Variants in RPUSD2 observed in about 807,000 individuals in gnomAD.
RPUSD2 encodes pseudouridylate synthase RPUSD2.
RPUSD2 carries 31 observed loss-of-function variants against 41.5 expected under a neutral mutation model. The observed-to-expected ratio is 0.75, with a 90% CI of 0.56 to 1.01. The LOEUF (loss-of-function observed/expected upper bound fraction) is 1.01. Ranked by LOEUF, RPUSD2 falls within the 50% of genes least tolerant of loss-of-function variation. The pLI is 0.00. For missense variants in RPUSD2, 749 were observed against 724.7 expected, an observed-to-expected ratio of 1.03 and a Z score of -0.38; for synonymous variants, 305 against 289.7, an observed-to-expected ratio of 1.05 and a Z score of -0.54.
In RPUSD2 at chr15:40,573,847, CGAG is replaced by C. The variant is rs774438607; in HGVS notation, c.1228_1230del (p.Glu410del). On this transcript the variant is annotated inframe_deletion, in exon 3 of 3. Transcript: ENST00000315616. ...GGGGCGGCTACATTCCCAAGACAAA[CGAG>C]GAGTTGCTACGGGACCTGGTAGCAG... The C allele has an allele frequency of 6.2e-7, 1 of 1,614,112 alleles. No individual in the cohort carries two copies. The highest frequency in any genetic ancestry group is 8.5e-7 in the Non-Finnish European group (1 of 1,180,004).
chr15:40,569,780 A>C lies in RPUSD2; in HGVS notation c.443A>C (p.Asp148Ala). Residue 148 changes from aspartate to alanine, a missense_variant, in exon 1 of 3, where the codon GAC becomes GCC. Asp to Ala is a moderately radical substitution (Grantham distance 126). Coordinates refer to ENST00000315616, the MANE Select transcript of RPUSD2 (RefSeq NM_152260.3). Reference protein sequence around the residue: ...GLRKVRPYYFDFRTYCKGRWV... With the variant: ...GLRKVRPYYFAFRTYCKGRWV... ...CGTAAGGTGCGGCCCTATTACTTTG[A>C]CTTCCGGACCTACTGCAAAGGTCGC... The C allele has an allele frequency of 6.2e-7, 1 of 1,612,348 alleles. No homozygotes were observed.
chr15:40,571,278 G>A (rs111249845), intron 1 of RPUSD2, among the ~76,000 whole-genome samples: 233 of 152,180 alleles, frequency 1.5e-3, no homozygotes, highest in African/African-American at 5.4e-3. Flanking sequence ...CACTGCGCCC[G>A]GCTAAAAAAT....
rs746886799 is a variant in RPUSD2, at chr15:40,571,740, G to A, written c.743G>A (p.Arg248His). ...TCCATTCCCGTTCACCCCTGTGGCCGCTTCCGACACAACACAGTTATCTTC... is the reference window on the plus strand; with the variant it reads ...TCCATTCCCGTTCACCCCTGTGGCCACTTCCGACACAACACAGTTATCTTC... ...PSSIPVHPCG[R>H]FRHNTVIFIL... is the part of the protein sequence containing the mutation. Residue 248 changes from arginine to histidine, a missense_variant, in exon 2 of 3, where the codon CGC becomes CAC. Coordinates refer to ENST00000315616, the MANE Select transcript of RPUSD2 (RefSeq NM_152260.3). 1.2e-5 allele frequency: 20 copies of A among 1,614,074 alleles called. No homozygotes were observed. Among genetic ancestry groups the A allele is most frequent in the Admixed American group, 1.7e-5 (1 of 60,004 alleles).
At position 40,571,895 on chromosome 15, in the gene RPUSD2, C is replaced by T. The variant is rs749930078; in HGVS notation, c.898C>T (p.Arg300Trp). The change falls in exon 2 of 3, where the codon CGG (arginine) becomes TGG (tryptophan). Residue 300 changes from arginine to tryptophan, a missense_variant. Arg to Trp is a moderately radical substitution (Grantham distance 101). Transcript: ENST00000315616. The stretch of plus-strand genomic sequence containing the variant: ...GAGAATTCACGAGCAGGTTCGGGAC[C>T]GGCAGGTGAGTCAGGCTTTTGTCTC... Reference protein sequence around the residue: ...SERIHEQVRDRQLEKEYVCRV... With the variant: ...SERIHEQVRDWQLEKEYVCRV... 1.2e-5 allele frequency: 19 copies of T among 1,612,574 alleles called. No homozygotes were observed. In the East Asian group the frequency reaches 1.8e-4, roughly 15 times the overall value.
Position 40,569,667 on chromosome 15 carries a change from C to A in RPUSD2, c.330C>A (p.Val110=), listed in dbSNP as rs1016580173. The A allele has an allele frequency of 6.5e-7, 1 of 1,550,352 alleles. No homozygotes were observed. Among genetic ancestry groups the A allele is most frequent in the South Asian group, 1.2e-5 (1 of 82,790 alleles). ...KKRRGATRER[V]VPPPKKRRTG... ...GGCGGGGCGCAACCAGGGAGCGTGT[C>A]GTGCCGCCCCCGAAGAAGCGGCGGA... Residue 110 remains valine (V), a synonymous_variant, in exon 1 of 3, where the codon GTC becomes GTA. Transcript: ENST00000315616.
rs1891210126 is a variant in RPUSD2 at position 40,574,241 on chromosome 15, G to T, written c.1618G>T (p.Asp540Tyr). ...TTCACCAATGCCTGCCTGGGCACAGGATGACTGGCAAAAGGACTGAGGGTG... is the reference window on the plus strand; with the variant it reads ...TTCACCAATGCCTGCCTGGGCACAGTATGACTGGCAAAAGGACTGAGGGTG... ...YFSPMPAWAQDDWQKD is the reference protein window; with the variant it reads ...YFSPMPAWAQYDWQKD Residue 540 changes from aspartate to tyrosine, a missense_variant, in exon 3 of 3, where the codon GAT becomes TAT. Transcript: ENST00000315616. 6.2e-7 allele frequency: 1 copy of T among 1,611,746 alleles called. No individual in the cohort carries two copies. The highest frequency in any genetic ancestry group is 8.5e-7 in the Non-Finnish European group (1 of 1,179,584).
Position 40,573,020 on chromosome 15 carries a change from C to CTTTTTT in RPUSD2, c.904-491_904-486dup, listed in dbSNP as rs398026953. ...GAGGTAAATGCTTTTCTTTTCTTTT[C>CTTTTTT]TTTTTTTTTTTTTTTTTTTTTGAGA... On this transcript the variant is annotated intron_variant, in intron 2 of 2. Coordinates refer to ENST00000315616, the MANE Select transcript of RPUSD2 (RefSeq NM_152260.3). Among the ~76,000 whole-genome samples the CTTTTTT allele has an allele frequency of 1.7e-3, 165 of 96,742 alleles. 1 individual carries two copies. The highest frequency in any genetic ancestry group is 4.6e-3 in the African/African-American group (113 of 24,536). 63.5% of individuals were successfully genotyped at this position (96,742 alleles called of 152,430 possible). A position where few individuals can be genotyped will look rare whatever the true frequency, so the allele number is the denominator to read the frequency against.
intron 1 of RPUSD2, among the ~76,000 whole-genome samples, chr15:40,571,096 G>A (rs930809396): frequency 6.6e-6 from 1 of 151,800 alleles, no homozygotes; most frequent in African/African-American, 2.4e-5. Flanking sequence ...AGGTTCAAGC[G>A]ATTCTCCTGC....
chr15:40,571,676 G>C lies in RPUSD2; in HGVS notation c.679G>C (p.Ala227Pro). 7 of 1,614,246 alleles carry C rather than the reference G, an allele frequency of 4.3e-6. No homozygotes were observed. The highest frequency in any genetic ancestry group is 5.9e-6 in the Non-Finnish European group (7 of 1,180,044). ...CACAGCAGAGCCCATTCGCCTGCTAGCTGAGAACGAAGATGTGGTGGTTGT... is the reference window on the plus strand; with the variant it reads ...CACAGCAGAGCCCATTCGCCTGCTACCTGAGAACGAAGATGTGGTGGTTGT... ...PVTAEPIRLL[A>P]ENEDVVVVDK... The change falls in exon 2 of 3, where the codon GCT (alanine) becomes CCT (proline). Residue 227 changes from alanine to proline, a missense_variant. Coordinates refer to ENST00000315616, the MANE Select transcript of RPUSD2 (RefSeq NM_152260.3).
At position 40,571,900 on chromosome 15, in the gene RPUSD2, G is replaced by C. The variant is rs746791298; in HGVS notation, c.903G>C (p.Gln301His). The change falls in exon 2 of 3, where the codon CAG becomes CAC. Residue 301 changes from glutamine (Q) to histidine (H), a missense_variant and splice_region_variant. Transcript: ENST00000315616. ...ERIHEQVRDRQLEKEYVCRVE... is the reference protein window; with the variant it reads ...ERIHEQVRDRHLEKEYVCRVE... ...TTCACGAGCAGGTTCGGGACCGGCA[G>C]GTGAGTCAGGCTTTTGTCTCCTACA... is the stretch of plus-strand genomic sequence containing the variant. 6.2e-7 allele frequency: 1 copy of C among 1,612,412 alleles called. No individual in the cohort carries two copies. The highest frequency in any genetic ancestry group is 1.7e-5 in the Admixed American group (1 of 59,976).
chr15:40,569,750 G>A lies in RPUSD2; in HGVS notation c.413G>A (p.Gly138Asp). 1 of 1,606,212 alleles carries A rather than the reference G, an allele frequency of 6.2e-7. No individual in the cohort carries two copies. Among genetic ancestry groups the A allele is most frequent in the South Asian group, 1.1e-5 (1 of 89,582 alleles). ...FAETSYYFEG[G>D]LRKVRPYYFD... is the part of the protein sequence containing the mutation. Reference sequence around the variant, plus strand: ...GAAACCAGTTATTACTTCGAGGGCGGCCTGCGTAAGGTGCGGCCCTATTAC... The same window carrying A: ...GAAACCAGTTATTACTTCGAGGGCGACCTGCGTAAGGTGCGGCCCTATTAC... The change falls in exon 1 of 3, where the codon GGC (glycine) becomes GAC (aspartate). Residue 138 changes from glycine (G) to aspartate (D), a missense_variant. Gly to Asp is a moderately conservative substitution (Grantham distance 94). Coordinates refer to ENST00000315616, the MANE Select transcript of RPUSD2 (RefSeq NM_152260.3).
intron 2 of RPUSD2, among the ~76,000 whole-genome samples, chr15:40,573,252 C>T (rs148405117): frequency 0.012 from 1,772 of 152,102 alleles, 9 homozygotes; most frequent in Middle Eastern, 0.048. Flanking sequence ...CTCGAACTTT[C>T]GACCTCAGGT....
rs1337495408 is a variant in RPUSD2 at position 40,569,499 on chromosome 15, GC to G, written c.163del (p.Gln55LysfsTer30). The G allele has an allele frequency of 6.4e-7, 1 of 1,553,536 alleles. No homozygotes were observed. Among genetic ancestry groups the G allele is most frequent in the Non-Finnish European group, 8.7e-7 (1 of 1,155,132 alleles). Reference protein sequence around the residue: ...TEGGLRASHQQNGDAGGDAKV... With the variant: ...TEGGLRASHQXNGDAGGDAKV... ...AGGGCGGGCTGAGGGCTTCGCATCA[GC>G]AAAACGGTGACGCTGGTGGCGACGC... On this transcript the variant is annotated frameshift_variant, in exon 1 of 3. Coordinates refer to ENST00000315616, the MANE Select transcript of RPUSD2 (RefSeq NM_152260.3). LOFTEE classifies it high-confidence loss of function.
In RPUSD2 at chr15:40,573,883, G is replaced by C. The variant is rs1349425722; in HGVS notation, c.1260G>C (p.Gln420His). The stretch of plus-strand genomic sequence containing the variant: ...TACGGGACCTGGTAGCAGAGCACCA[G>C]GCCAAACAGAGCCTGGATGTGCTAG... ...ELLRDLVAEH[Q>H]AKQSLDVLDL... Residue 420 changes from glutamine to histidine, a missense_variant, in exon 3 of 3, where the codon CAG becomes CAC. Transcript: ENST00000315616. 4 of 1,614,170 alleles carry C rather than the reference G, an allele frequency of 2.5e-6. No individual in the cohort carries two copies. Among genetic ancestry groups the C allele is most frequent in the East Asian group, 2.2e-5 (1 of 44,874 alleles).
rs779239758 is a variant in RPUSD2, at chr15:40,569,867, A to G, written c.530A>G (p.Tyr177Cys). The change falls in exon 1 of 3, where the codon TAC (tyrosine) becomes TGC (cysteine). Residue 177 changes from tyrosine to cysteine, a missense_variant. Physicochemically the swap from Tyr to Cys is radical, Grantham distance 194 (BLOSUM62 -2). Transcript: ENST00000315616. ...GAGTTCCGAGCTCAGCCCCTGGCCT[A>G]CTATGAGGCCGCGGTCCGGGCGGGC... ...STEFRAQPLAYYEAAVRAGRL... is the reference protein window; with the variant it reads ...STEFRAQPLACYEAAVRAGRL... The G allele has an allele frequency of 6.2e-7, 1 of 1,606,576 alleles. No homozygotes were observed. The highest frequency in any genetic ancestry group is 1.1e-5 in the South Asian group (1 of 89,658).
intron 2 of RPUSD2, among the ~76,000 whole-genome samples, chr15:40,573,305 G>A (rs560709245): frequency 2.6e-5 from 4 of 152,254 alleles, no homozygotes; most frequent in South Asian, 2.1e-4. Flanking sequence ...GATTACAGGC[G>A]TGAGCCACCT....
At chr15:40,573,275 T>G (rs776256428) in intron 2 of RPUSD2, among the ~76,000 whole-genome samples, 9 of 152,196 alleles carry the variant, frequency 5.9e-5, no homozygotes, top group Non-Finnish European at 1.3e-4. Context: ...TCCACCCACC[T>G]CAGCTTCCCA....
chr15:40,571,349 A>G (rs1473643367), intron 1 of RPUSD2, among the ~76,000 whole-genome samples: 2 of 152,206 alleles, frequency 1.3e-5, no homozygotes, highest in African/African-American at 2.4e-5. Context: ...AAAAACATTC[A>G]TAATCTAACC....
At chr15:40,573,295 G>A (rs540916214) in intron 2 of RPUSD2, among the ~76,000 whole-genome samples, 95 of 152,266 alleles carry the variant, frequency 6.2e-4, no homozygotes, top group African/African-American at 2.3e-3. Flanking sequence ...AAAGTGCTGG[G>A]ATTACAGGCG....
Sources: gnomAD v4.1 joint callset for allele counts (sites outside exome capture counted in the v4.1 genomes callset) on GRCh38, gnomAD v4.1.1 for gene constraint, MANE v1.5 for transcripts, NCBI Gene and HGNC (gene_info 2026-07-23, HGNC 2026-07-21) for gene names.